MILR1: variants seen among roughly 807,000 people sequenced by gnomAD.
MILR1 encodes mast cell immunoglobulin like receptor 1, also known as allergin-1.
In MILR1, 31 loss-of-function variants were observed where a neutral mutation model predicts 18.5. That is an observed-to-expected ratio of 1.68 (90% CI 1.26 to 2.26). MILR1 has a LOEUF of 2.26. Among genes scored for constraint, MILR1 ranks in the 30% most tolerant of loss-of-function variants. MILR1 has a pLI of 0.00. For synonymous variants in MILR1, 85 were observed against 56.2 expected, an observed-to-expected ratio of 1.51 and a Z score of -2.30; for missense variants, 257 against 157.4, an observed-to-expected ratio of 1.63 and a Z score of -3.38.
chr17:64,486,384 A>G, the MILR1 span, among the ~76,000 whole-genome samples: 1,721 of 148,736 alleles, frequency 0.012, 29 homozygotes, highest in Non-Finnish European at 0.019. Flanking sequence ...TAATACAGAC[A>G]GAGTCTCGCT....
chr17:64,496,464 C>G, the MILR1 span: 1 of 1,601,858 alleles, frequency 6.2e-7, no homozygotes, highest in Non-Finnish European at 8.5e-7. Flanking sequence ...TCAAGAAATG[C>G]TACTAGCTGT....
chr17:64,488,223 G>A, the MILR1 span, among the ~76,000 whole-genome samples: 1 of 150,866 alleles, frequency 6.6e-6, no homozygotes, highest in South Asian at 2.1e-4. Flanking sequence ...AAAAAAGAAA[G>A]AAATGGCCTC....
At chr17:64,461,859 C>T (rs2037439488) in intron 5 of MILR1, among the ~76,000 whole-genome samples, 1 of 152,150 alleles carries the variant, frequency 6.6e-6, no homozygotes, top group Non-Finnish European at 1.5e-5. Flanking sequence ...GAAGTGGAAG[C>T]ATTTATCCTT....
the MILR1 span, among the ~76,000 whole-genome samples, chr17:64,495,566 G>A: frequency 6.6e-6 from 1 of 152,140 alleles, no homozygotes; most frequent in Non-Finnish European, 1.5e-5. Context: ...GACAGAGTGA[G>A]ACCCATATTC....
At chr17:64,492,397 C>G in the MILR1 span, among the ~76,000 whole-genome samples, 1 of 152,192 alleles carries the variant, frequency 6.6e-6, no homozygotes, top group Non-Finnish European at 1.5e-5. Flanking sequence ...TCAAACTCTA[C>G]ATCAGCCAGG....
At chr17:64,477,244 T>C in the MILR1 span, among the ~76,000 whole-genome samples, 1 of 152,242 alleles carries the variant, frequency 6.6e-6, no homozygotes, top group Admixed American at 6.5e-5. Context: ...GCGTTTGATC[T>C]AAATCAGATC....
the MILR1 span, chr17:64,491,812 C>A: frequency 2.0e-6 from 1 of 490,326 alleles, no homozygotes. Flanking sequence ...CTGCACTCCC[C>A]CAGCAACCTT....
At chr17:64,454,417 A>T (rs2037244219) in intron 3 of MILR1, among the ~76,000 whole-genome samples, 1 of 152,202 alleles carries the variant, frequency 6.6e-6, no homozygotes, top group Non-Finnish European at 1.5e-5. Flanking sequence ...GATGAAATAA[A>T]AAATTTCCCT....
At chr17:64,490,568 T>C in the MILR1 span, 1 of 533,148 alleles carries the variant, frequency 1.9e-6, no homozygotes, top group South Asian at 2.0e-5. Flanking sequence ...ATAAATGCCA[T>C]TATTGAGATA....
In MILR1 at chr17:64,452,631, G is replaced by T; in HGVS notation, c.132G>T (p.Lys44Asn). The T allele has an allele frequency of 2.3e-6, 1 of 433,386 alleles. No individual in the cohort carries two copies. Among genetic ancestry groups the T allele is most frequent in the East Asian group, 3.3e-5 (1 of 30,110 alleles). The allele number at this position is 433,386 out of a possible 1,614,324, so 26.8% of individuals were successfully genotyped here. A position where few individuals can be genotyped will look rare whatever the true frequency, so the allele number is the denominator to read the frequency against. ...CTCCATGTTTGGACTCAAAGACTAAGGTGGTTATGAAGGGTCAAAATGTAT... is the reference window on the plus strand; with the variant it reads ...CTCCATGTTTGGACTCAAAGACTAATGTGGTTATGAAGGGTCAAAATGTAT... The part of the protein sequence containing the change: ...FPSPCLDSKT[K>N]VVMKGQNVSM... Residue 44 changes from lysine (K) to asparagine (N), a missense_variant, in exon 3 of 10, where the codon AAG (lysine) becomes AAT (asparagine). By Grantham distance (94) the Lys-to-Asn change is moderately conservative. Coordinates refer to ENST00000619286, the MANE Select transcript of MILR1 (RefSeq NM_001085423.2).
the MILR1 span, among the ~76,000 whole-genome samples, chr17:64,495,920 G>C: frequency 2.0e-5 from 3 of 152,074 alleles, no homozygotes; most frequent in Admixed American, 1.3e-4. Context: ...TGTTGGCCAG[G>C]CTAGTCTCGA....
chr17:64,472,087 A>C (rs2037694292), downstream of MILR1, among the ~76,000 whole-genome samples: 1 of 152,214 alleles, frequency 6.6e-6, no homozygotes, highest in Non-Finnish European at 1.5e-5. Context: ...TATGACTCAC[A>C]ACCCAGAAAA....
At chr17:64,460,585 A>G (rs1457485122) in intron 4 of MILR1, among the ~76,000 whole-genome samples, 5 of 152,218 alleles carry the variant, frequency 3.3e-5, no homozygotes, top group African/African-American at 9.6e-5. Context: ...GCCTCAGGCA[A>G]TCCTCCCACC....
Position 64,460,819 on chromosome 17 carries a change from C to T in MILR1, c.653-3C>T. 2 of 474,996 alleles carry T rather than the reference C, an allele frequency of 4.2e-6. No individual in the cohort carries two copies. The highest frequency in any genetic ancestry group is 7.7e-6 in the Non-Finnish European group (2 of 258,768). 29.4% of individuals were successfully genotyped at this position (474,996 alleles called of 1,614,324 possible). The stretch of plus-strand genomic sequence containing the variant: ...GTCACCAATGGATGCGGTCTTCTTC[C>T]AGGCGGAGACAGCTGTCCTTTCTGT... On this transcript the variant is annotated splice_polypyrimidine_tract_variant and splice_region_variant and intron_variant, in intron 4 of 9. Transcript: ENST00000619286.
chr17:64,450,694 G>T (rs2037150361), intron 2 of MILR1, among the ~76,000 whole-genome samples: 1 of 152,006 alleles, frequency 6.6e-6, no homozygotes, highest in African/African-American at 2.4e-5. Flanking sequence ...ATGTTGGCCA[G>T]GCTGTTCTTG....
At chr17:64,450,583 G>A (rs1315785495) in intron 2 of MILR1, among the ~76,000 whole-genome samples, 4 of 151,278 alleles carry the variant, frequency 2.6e-5, no homozygotes, top group Non-Finnish European at 5.9e-5. Context: ...GGGTTCAAGG[G>A]ATCCTCCTGC....
the MILR1 span, among the ~76,000 whole-genome samples, chr17:64,475,371 G>A: frequency 6.6e-6 from 1 of 151,714 alleles, no homozygotes. Context: ...GCAAACGGCC[G>A]GGTGCGGTGG....
chr17:64,485,962 G>A, the MILR1 span: 1 of 1,254,728 alleles, frequency 8.0e-7, no homozygotes, highest in African/African-American at 1.5e-5. Flanking sequence ...ACCTGGCCAG[G>A]CTGGAGTGCA....
downstream of MILR1, among the ~76,000 whole-genome samples, chr17:64,470,274 A>G (rs2037667264): frequency 6.6e-6 from 1 of 152,012 alleles, no homozygotes; most frequent in South Asian, 2.1e-4. Flanking sequence ...TTGTATTTTT[A>G]GTAAAGATGA....
Sources: gnomAD v4.1 joint callset for allele counts (sites outside exome capture counted in the v4.1 genomes callset) on GRCh38, gnomAD v4.1.1 for gene constraint, MANE v1.5 for transcripts, NCBI Gene and HGNC (gene_info 2026-07-23, HGNC 2026-07-21) for gene names.